MBLAC1: variants seen among roughly 807,000 people sequenced by gnomAD.
The protein encoded by MBLAC1 is metallo-beta-lactamase domain containing 1, also known as metallo-beta-lactamase domain-containing protein 1.
MBLAC1 carries 1 observed loss-of-function variant against 1.5 expected under a neutral mutation model. The ratio of observed to expected loss-of-function variants is 0.68; its 90% CI spans 0.24 to 3.21. The LOEUF (loss-of-function observed/expected upper bound fraction) is 3.21, where lower values mean the gene tolerates loss of function less well. Ranked by LOEUF, MBLAC1 falls within the 30% of genes most tolerant of loss-of-function variation. The pLI is 0.20. For missense variants in MBLAC1, 371 were observed against 384.7 expected (o/e 0.96, Z 0.30); for synonymous variants, 197 against 191.3 (o/e 1.03, Z -0.25).
chr7:100,128,145 G>C lies in MBLAC1; in HGVS notation c.750G>C (p.Gly250=). The change falls in exon 2 of 2, where the codon GGG becomes GGC. Residue 250 remains glycine, a synonymous_variant. Coordinates refer to ENST00000398075, the MANE Select transcript of MBLAC1 (RefSeq NM_203397.3). ...EASQPETEGG[G]NSQQEPVVGD... The stretch of plus-strand genomic sequence containing the variant: ...CGCAGCCCGAGACGGAGGGTGGAGG[G>C]AACAGCCAGCAGGAGCCGGTGGTCG... 1 of 1,605,482 alleles carries C rather than the reference G, an allele frequency of 6.2e-7. No homozygotes were observed. Among genetic ancestry groups the C allele is most frequent in the Non-Finnish European group, 8.5e-7 (1 of 1,176,354 alleles).
At position 100,127,381 on chromosome 7, in the gene MBLAC1, G is replaced by A; in HGVS notation, c.-15G>A. On this transcript the variant is annotated 5_prime_UTR_variant, in exon 2 of 2. Coordinates refer to ENST00000398075, the MANE Select transcript of MBLAC1 (RefSeq NM_203397.3). The surrounding 1 kb of genome is among the most constrained non-coding windows in gnomAD (Gnocchi z 4.6). The stretch of plus-strand genomic sequence containing the variant: ...CTTTCTCCCCAGCCCGTCCCTCCCT[G>A]CCAGGAGCAGCCTCATGCGGACCGA... 1.3e-6 allele frequency: 2 copies of A among 1,575,694 alleles called. No individual in the cohort carries two copies. Among genetic ancestry groups the A allele is most frequent in the South Asian group, 2.3e-5 (2 of 87,944 alleles).
At position 100,127,836 on chromosome 7, in the gene MBLAC1, C is replaced by T. The variant is rs752411841; in HGVS notation, c.441C>T (p.His147=). Residue 147 remains histidine, a synonymous_variant, in exon 2 of 2, where the codon CAC becomes CAT. Coordinates refer to ENST00000398075, the MANE Select transcript of MBLAC1 (RefSeq NM_203397.3). The surrounding 1 kb of genome is among the most constrained non-coding windows in gnomAD (Gnocchi z 4.6). Reference sequence around the variant, plus strand: ...TTCCCGGAGGCCGCTACCTGCCCCACGGGCTGGGTGAGGGGCAGCCCCTGC... The same window carrying T: ...TTCCCGGAGGCCGCTACCTGCCCCATGGGCTGGGTGAGGGGCAGCCCCTGC... ...FCLPGGRYLP[H]GLGEGQPLRL... 5 of 1,564,564 alleles carry T rather than the reference C, an allele frequency of 3.2e-6. No homozygotes were observed. The highest frequency in any genetic ancestry group is 2.3e-5 in the South Asian group (2 of 85,784).
chr7:100,128,435 T>G lies in MBLAC1; in HGVS notation c.*239T>G. The G allele has an allele frequency of 2.1e-6, 1 of 481,790 alleles. No individual in the cohort carries two copies. 29.8% of individuals were successfully genotyped at this position (481,790 alleles called of 1,614,324 possible). A position where few individuals can be genotyped will look rare whatever the true frequency, so the allele number is the denominator to read the frequency against. On this transcript the variant is annotated 3_prime_UTR_variant, in exon 2 of 2. Coordinates refer to ENST00000398075, the MANE Select transcript of MBLAC1 (RefSeq NM_203397.3). ...CCTGTGCATTCTCCCTGGGCCTCAG[T>G]AAAATGGGAGAAGGTTCGTGGGAGG...
rs1013379822 is a variant in MBLAC1 at position 100,127,186 on chromosome 7, G to C, written c.-29+122G>C. 5.5e-6 allele frequency: 3 copies of C among 546,570 alleles called. No individual in the cohort carries two copies. The highest frequency in any genetic ancestry group is 9.6e-6 in the Non-Finnish European group (3 of 312,324). 33.9% of individuals were successfully genotyped at this position (546,570 alleles called of 1,614,324 possible). ...GGGCCGAGGACGCCGAGGGAGGGGC[G>C]GGCCCAAGTGTGAAGGGAGTCTGGG... is the stretch of plus-strand genomic sequence containing the variant. On this transcript the variant is annotated intron_variant, in intron 1 of 1. Coordinates refer to ENST00000398075, the MANE Select transcript of MBLAC1 (RefSeq NM_203397.3). The surrounding 1 kb of genome is among the most constrained non-coding windows in gnomAD (Gnocchi z 4.6).
In MBLAC1 at chr7:100,127,411, C is replaced by G; in HGVS notation, c.16C>G (p.Leu6Val). Reference sequence around the variant, plus strand: ...GAGCAGCCTCATGCGGACCGAGCCGCTGTGCGGGGCATCCCCTCTGCTGGT... The same window carrying G: ...GAGCAGCCTCATGCGGACCGAGCCGGTGTGCGGGGCATCCCCTCTGCTGGT... MRTEP[L>V]CGASPLLVPG... is the part of the protein sequence containing the mutation. The change falls in exon 2 of 2, where the codon CTG (leucine) becomes GTG (valine). Residue 6 changes from leucine to valine, a missense_variant. Transcript: ENST00000398075. This position sits in a 1 kb window ranked among gnomAD's most constrained non-coding sequence, Gnocchi z 4.6. 6.3e-7 allele frequency: 1 copy of G among 1,592,638 alleles called. No individual in the cohort carries two copies. Among genetic ancestry groups the G allele is most frequent in the Non-Finnish European group, 8.5e-7 (1 of 1,177,362 alleles).
Position 100,127,330 on chromosome 7 carries a change from A to G in MBLAC1, c.-28-38A>G. 2 of 1,428,962 alleles carry G rather than the reference A, an allele frequency of 1.4e-6. No homozygotes were observed. The highest frequency in any genetic ancestry group is 1.9e-6 in the Non-Finnish European group (2 of 1,072,960). The allele number at this position is 1,428,962 out of a possible 1,614,324, so 88.5% of individuals were successfully genotyped here. A position where few individuals can be genotyped will look rare whatever the true frequency, so the allele number is the denominator to read the frequency against. On this transcript the variant is annotated intron_variant, in intron 1 of 1. Coordinates refer to ENST00000398075, the MANE Select transcript of MBLAC1 (RefSeq NM_203397.3). The surrounding 1 kb of genome is among the most constrained non-coding windows in gnomAD (Gnocchi z 4.6). ...CGCGGGTGGGGGATCGCGGAGGGAC[A>G]GGACGGTCGCCCACTGCTCCATTTC...
chr7:100,127,728 G>A lies in MBLAC1; in HGVS notation c.333G>A (p.Val111=). The A allele has an allele frequency of 6.7e-7, 1 of 1,492,780 alleles. No homozygotes were observed. Among genetic ancestry groups the A allele is most frequent in the Non-Finnish European group, 8.9e-7 (1 of 1,122,960 alleles). 92.5% of individuals were successfully genotyped at this position (1,492,780 alleles called of 1,614,324 possible). The part of the protein sequence containing the change: ...GVAPGDVTLV[V]GTHGHSDHIG... ...CCCCGGGAGACGTGACGCTAGTGGT[G>A]GGGACCCACGGGCACTCGGATCACA... Residue 111 remains valine (V), a synonymous_variant, in exon 2 of 2, where the codon GTG becomes GTA. Coordinates refer to ENST00000398075, the MANE Select transcript of MBLAC1 (RefSeq NM_203397.3). This position sits in a 1 kb window ranked among gnomAD's most constrained non-coding sequence, Gnocchi z 4.6.
chr7:100,128,212 A>T lies in MBLAC1; in HGVS notation c.*16A>T. On this transcript the variant is annotated 3_prime_UTR_variant, in exon 2 of 2. Coordinates refer to ENST00000398075, the MANE Select transcript of MBLAC1 (RefSeq NM_203397.3). ...CCTGCACTAATCAGCCTCGAGAGGG[A>T]CTGCACTCTTGTCAGGGAAGCCCTA... 1 of 1,558,742 alleles carries T rather than the reference A, an allele frequency of 6.4e-7. No homozygotes were observed. The highest frequency in any genetic ancestry group is 1.2e-5 in the South Asian group (1 of 84,618).
At position 100,127,211 on chromosome 7, in the gene MBLAC1, G is replaced by A. The variant is rs1798246545; in HGVS notation, c.-29+147G>A. The A allele has an allele frequency of 1.7e-6, 1 of 587,436 alleles. No homozygotes were observed. The highest frequency in any genetic ancestry group is 3.4e-5 in the Admixed American group (1 of 29,734). The allele number at this position is 587,436 out of a possible 1,614,324, so 36.4% of individuals were successfully genotyped here. ...GGGCCCAAGTGTGAAGGGAGTCTGG[G>A]CGATACCATTTTGGGCAGGGGTTGA... On this transcript the variant is annotated intron_variant, in intron 1 of 1. Transcript: ENST00000398075. This position sits in a 1 kb window ranked among gnomAD's most constrained non-coding sequence, Gnocchi z 4.6.
rs1798254392 is a variant in MBLAC1, at chr7:100,127,474, G to A, written c.79G>A (p.Gly27Ser). 1 of 1,592,678 alleles carries A rather than the reference G, an allele frequency of 6.3e-7. No homozygotes were observed. Among genetic ancestry groups the A allele is most frequent in the Non-Finnish European group, 8.5e-7 (1 of 1,177,172 alleles). Reference sequence around the variant, plus strand: ...CTACTCTGTGGTGGTTCTGCTGCAGGGCTACGCGGAGCCAGAGGGTGTGGG... The same window carrying A: ...CTACTCTGTGGTGGTTCTGCTGCAGAGCTACGCGGAGCCAGAGGGTGTGGG... ...DPYSVVVLLQ[G>S]YAEPEGVGDA... Residue 27 changes from glycine (G) to serine (S), a missense_variant, in exon 2 of 2, where the codon GGC becomes AGC. Physicochemically the swap from Gly to Ser is moderately conservative, Grantham distance 56 (BLOSUM62 0). Transcript: ENST00000398075. This position sits in a 1 kb window ranked among gnomAD's most constrained non-coding sequence, Gnocchi z 4.6.
Position 100,127,402 on chromosome 7 carries a change from A to G in MBLAC1, c.7A>G (p.Thr3Ala), listed in dbSNP as rs763429671. 1.9e-6 allele frequency: 3 copies of G among 1,588,552 alleles called. No individual in the cohort carries two copies. The South Asian group carries it at 3.4e-5, about 18-fold the overall frequency. The change falls in exon 2 of 2, where the codon ACC becomes GCC. Residue 3 changes from threonine (T) to alanine (A), a missense_variant. Thr to Ala is a moderately conservative substitution (Grantham distance 58, BLOSUM62 0). Transcript: ENST00000398075. The surrounding 1 kb of genome is among the most constrained non-coding windows in gnomAD (Gnocchi z 4.6). MR[T>A]EPLCGASPLL... ...CCCTGCCAGGAGCAGCCTCATGCGG[A>G]CCGAGCCGCTGTGCGGGGCATCCCC...
rs922386710 is a variant in MBLAC1, at chr7:100,128,322, GAC to G, written c.*128_*129del. On this transcript the variant is annotated 3_prime_UTR_variant, in exon 2 of 2. Coordinates refer to ENST00000398075, the MANE Select transcript of MBLAC1 (RefSeq NM_203397.3). ...TCCAGGAGGCCAGTTTTCTAGTGAA[GAC>G]AGAGTGCACCTGACACTGCCATCAC... 3.6e-5 allele frequency: 29 copies of G among 799,942 alleles called. No homozygotes were observed. In the African/African-American group the frequency reaches 4.4e-4, roughly 12 times the overall value. The allele number at this position is 799,942 out of a possible 1,614,324, so 49.6% of individuals were successfully genotyped here.
In MBLAC1 at chr7:100,126,991, G is replaced by C. The variant is rs1030575923; in HGVS notation, c.-102G>C. On this transcript the variant is annotated 5_prime_UTR_variant, in exon 1 of 2. Coordinates refer to ENST00000398075, the MANE Select transcript of MBLAC1 (RefSeq NM_203397.3). ...CATATCTGGGTACACGGGAACCGCA[G>C]AGGACAAACTCTCACCCGCGTTTTC... 5.8e-6 allele frequency: 1 copy of C among 172,322 alleles called. No homozygotes were observed. Among genetic ancestry groups the C allele is most frequent in the Non-Finnish European group, 1.2e-5 (1 of 80,978 alleles). 10.7% of individuals were successfully genotyped at this position (172,322 alleles called of 1,614,324 possible). A position where few individuals can be genotyped will look rare whatever the true frequency, so the allele number is the denominator to read the frequency against.
In MBLAC1 at chr7:100,127,393, C is replaced by T. The variant is rs769700213; in HGVS notation, c.-3C>T. On this transcript the variant is annotated 5_prime_UTR_variant, in exon 2 of 2. Transcript: ENST00000398075. The surrounding 1 kb of genome is among the most constrained non-coding windows in gnomAD (Gnocchi z 4.6). ...CCCGTCCCTCCCTGCCAGGAGCAGC[C>T]TCATGCGGACCGAGCCGCTGTGCGG... 18 of 1,586,122 alleles carry T rather than the reference C, an allele frequency of 1.1e-5. No homozygotes were observed. The Admixed American group carries it at 2.6e-4, about 23-fold the overall frequency.
rs907079363 is a variant in MBLAC1 at position 100,127,110 on chromosome 7, C to T, written c.-29+46C>T. The T allele has an allele frequency of 6.2e-6, 3 of 484,066 alleles. No individual in the cohort carries two copies. Among genetic ancestry groups the T allele is most frequent in the Non-Finnish European group, 1.1e-5 (3 of 270,846 alleles). 30.0% of individuals were successfully genotyped at this position (484,066 alleles called of 1,614,324 possible). On this transcript the variant is annotated intron_variant, in intron 1 of 1. Coordinates refer to ENST00000398075, the MANE Select transcript of MBLAC1 (RefSeq NM_203397.3). This position sits in a 1 kb window ranked among gnomAD's most constrained non-coding sequence, Gnocchi z 4.6. ...GATGGAGGGAAACATAAAGGATAGC[C>T]TTTGGAGGGTGACGGGCAAGGACGT...
Position 100,127,410 on chromosome 7 carries a change from G to A in MBLAC1, c.15G>A (p.Pro5=). 1.3e-6 allele frequency: 2 copies of A among 1,592,078 alleles called. No homozygotes were observed. Among genetic ancestry groups the A allele is most frequent in the African/African-American group, 1.3e-5 (1 of 74,652 alleles). ...GGAGCAGCCTCATGCGGACCGAGCC[G>A]CTGTGCGGGGCATCCCCTCTGCTGG... MRTE[P]LCGASPLLVP... Residue 5 remains proline, a synonymous_variant, in exon 2 of 2, where the codon CCG becomes CCA. Coordinates refer to ENST00000398075, the MANE Select transcript of MBLAC1 (RefSeq NM_203397.3). The surrounding 1 kb of genome is among the most constrained non-coding windows in gnomAD (Gnocchi z 4.6).
Position 100,128,043 on chromosome 7 carries a change from C to T in MBLAC1, c.648C>T (p.Ser216=), listed in dbSNP as rs756837352. Residue 216 remains serine (S), a synonymous_variant, in exon 2 of 2, where the codon AGC becomes AGT. Coordinates refer to ENST00000398075, the MANE Select transcript of MBLAC1 (RefSeq NM_203397.3). ...AAGACCCCGCAGCCCAGGAGCGGAG[C>T]CGGAAGAGGGTCCTGGTCGTTGCCG... ...LSEDPAAQER[S]RKRVLVVADV... 1.2e-6 allele frequency: 2 copies of T among 1,613,436 alleles called. No homozygotes were observed. The highest frequency in any genetic ancestry group is 2.2e-5 in the East Asian group (1 of 44,866).
Position 100,128,233 on chromosome 7 carries a change from C to G in MBLAC1, c.*37C>G. On this transcript the variant is annotated 3_prime_UTR_variant, in exon 2 of 2. Transcript: ENST00000398075. Reference sequence around the variant, plus strand: ...AGGGACTGCACTCTTGTCAGGGAAGCCCTAACAGCGAAGAGCTGCTGGAGA... The same window carrying G: ...AGGGACTGCACTCTTGTCAGGGAAGGCCTAACAGCGAAGAGCTGCTGGAGA... 6.6e-7 allele frequency: 1 copy of G among 1,517,806 alleles called. No homozygotes were observed. The highest frequency in any genetic ancestry group is 1.2e-5 in the South Asian group (1 of 80,130). 94.0% of individuals were successfully genotyped at this position (1,517,806 alleles called of 1,614,324 possible). A position where few individuals can be genotyped will look rare whatever the true frequency, so the allele number is the denominator to read the frequency against.
At position 100,127,914 on chromosome 7, in the gene MBLAC1, C is replaced by A. The variant is rs375258330; in HGVS notation, c.519C>A (p.Arg173=). The A allele has an allele frequency of 1.3e-6, 2 of 1,579,294 alleles. No individual in the cohort carries two copies. The highest frequency in any genetic ancestry group is 2.3e-5 in the East Asian group (1 of 42,826). The change falls in exon 2 of 2, where the codon CGC becomes CGA. Residue 173 remains arginine, a synonymous_variant. Transcript: ENST00000398075. The surrounding 1 kb of genome is among the most constrained non-coding windows in gnomAD (Gnocchi z 4.6). ...CCACGCCGGGCCACGGGGGCCAGCG[C>A]GACGTGAGCGTGGTGGTGGCCGGCA... is the stretch of plus-strand genomic sequence containing the variant. The part of the protein sequence containing the change: ...VWATPGHGGQ[R]DVSVVVAGTA...
Sources: gnomAD v4.1 joint callset for allele counts on GRCh38, gnomAD v4.1.1 for gene constraint, Gnocchi (gnomAD v3.1) non-coding constraint, MANE v1.5 for transcripts, NCBI Gene and HGNC (gene_info 2026-07-23, HGNC 2026-07-21) for gene names.